Variants in AK5 observed in about 807,000 individuals in gnomAD.
AK5 encodes adenylate kinase 5.
Under a neutral mutation model 69.5 loss-of-function variants are expected in AK5, and 27 were observed. The observed-to-expected ratio is 0.39, with a 90% CI of 0.29 to 0.54. The LOEUF (loss-of-function observed/expected upper bound fraction) is 0.54. Ranked by LOEUF, AK5 falls within the 20% of genes least tolerant of loss-of-function variation. The probability of loss-of-function intolerance (pLI) is 0.71; values close to 1 mark genes in which losing one functional copy is unlikely to be tolerated. For synonymous variants in AK5, 260 were observed against 244.4 expected, an observed-to-expected ratio of 1.06 and a Z score of -0.60; for missense variants, 531 against 700.4, an observed-to-expected ratio of 0.76 and a Z score of 2.73.
intron 6 of AK5, among the ~76,000 whole-genome samples, chr1:77,391,455 A>G (rs201846533): frequency 6.2e-4 from 70 of 113,652 alleles, no homozygotes; most frequent in Middle Eastern, 4.1e-3. Flanking sequence ...ATGTGTGTGT[A>G]TATATATATA....
chr1:77,502,792 A>G (rs943335920), intron 10 of AK5, among the ~76,000 whole-genome samples: 1 of 152,166 alleles, frequency 6.6e-6, no homozygotes, highest in Non-Finnish European at 1.5e-5. Flanking sequence ...GAACATAGCA[A>G]GTAGGCAGAA....
intron 12 of AK5, among the ~76,000 whole-genome samples, chr1:77,529,042 G>T (rs1658432788): frequency 6.6e-6 from 1 of 151,870 alleles, no homozygotes; most frequent in Non-Finnish European, 1.5e-5. Context: ...TTAATAATGT[G>T]TATTTTTTCT....
Position 77,535,894 on chromosome 1 carries a change from C to A in AK5, c.1476C>A (p.Thr492=), listed in dbSNP as rs773843700. 8.1e-6 allele frequency: 13 copies of A among 1,613,910 alleles called. No homozygotes were observed. Among genetic ancestry groups the A allele is most frequent in the Non-Finnish European group, 8.5e-7 (1 of 1,180,006 alleles). ...TCTGTATGGACTGCTCGGCAGACACCATGACCAACCGCCTTCTCCAAAGGA... is the reference window on the plus strand; with the variant it reads ...TCTGTATGGACTGCTCGGCAGACACAATGACCAACCGCCTTCTCCAAAGGA... The part of the protein sequence containing the change: ...LVICMDCSAD[T]MTNRLLQRSR... Residue 492 remains threonine (T), a synonymous_variant, in exon 13 of 14, where the codon ACC becomes ACA. Transcript: ENST00000354567.
At chr1:77,440,885 G>A (rs894131002) in intron 8 of AK5, among the ~76,000 whole-genome samples, 6 of 152,060 alleles carry the variant, frequency 3.9e-5, no homozygotes, top group Non-Finnish European at 8.8e-5. Flanking sequence ...CCAAGAAGCT[G>A]GGATTACAGG....
intron 8 of AK5, among the ~76,000 whole-genome samples, chr1:77,435,242 C>T (rs1448667913): frequency 6.6e-6 from 1 of 152,168 alleles, no homozygotes; most frequent in African/African-American, 2.4e-5. Flanking sequence ...AATTGTACTT[C>T]TGAGATATGA....
At chr1:77,413,048 A>C (rs1006952072) in intron 7 of AK5, among the ~76,000 whole-genome samples, 7 of 151,952 alleles carry the variant, frequency 4.6e-5, no homozygotes, top group African/African-American at 1.7e-4. Context: ...TTTCTGAAAA[A>C]AAAACAAAAC....
intron 3 of AK5, among the ~76,000 whole-genome samples, chr1:77,297,337 C>G (rs1422732447): frequency 6.6e-6 from 1 of 152,056 alleles, no homozygotes; most frequent in Non-Finnish European, 1.5e-5. Context: ...AGAGGAAAAA[C>G]CTGTATCTCT....
intron 6 of AK5, among the ~76,000 whole-genome samples, chr1:77,361,987 AC>A (rs1646873677): frequency 2.0e-5 from 3 of 152,274 alleles, no homozygotes; most frequent in African/African-American, 7.2e-5. Context: ...ACTTACCATG[AC>A]TGTGCCCCAG....
At chr1:77,378,620 C>T (rs1258344400) in intron 6 of AK5, among the ~76,000 whole-genome samples, 2 of 152,194 alleles carry the variant, frequency 1.3e-5, no homozygotes, top group Admixed American at 6.5e-5. Context: ...CGCACCAGGC[C>T]AGTATAATAG....
chr1:77,283,784 A>C (rs1267924520), intron 1 of AK5, among the ~76,000 whole-genome samples: 1 of 152,164 alleles, frequency 6.6e-6, no homozygotes, highest in African/African-American at 2.4e-5. Flanking sequence ...TAAATATGGA[A>C]ATTAAGAGGC....
intron 8 of AK5, among the ~76,000 whole-genome samples, chr1:77,473,323 T>A (rs896438165): frequency 6.6e-6 from 1 of 151,902 alleles, no homozygotes; most frequent in Non-Finnish European, 1.5e-5. Context: ...TCTCAAGCTA[T>A]CCTCCCACCT....
chr1:77,508,682 C>T (rs745847999), intron 10 of AK5, among the ~76,000 whole-genome samples: 1 of 152,152 alleles, frequency 6.6e-6, no homozygotes, highest in Non-Finnish European at 1.5e-5. Flanking sequence ...GCCTGGCCAA[C>T]GTGGCAAAAC....
intron 8 of AK5, among the ~76,000 whole-genome samples, chr1:77,460,538 C>T (rs1369038158): frequency 3.3e-5 from 5 of 152,218 alleles, no homozygotes; most frequent in African/African-American, 4.8e-5. Flanking sequence ...ATTTCAAATT[C>T]GTTTAAAATG....
intron 6 of AK5, among the ~76,000 whole-genome samples, chr1:77,381,195 T>C (rs1647609175): frequency 6.6e-6 from 1 of 152,098 alleles, no homozygotes; most frequent in Non-Finnish European, 1.5e-5. Flanking sequence ...TGGGAGGTGA[T>C]CAGGTAATAC....
At chr1:77,327,476 A>C (rs1660865015) in intron 5 of AK5, among the ~76,000 whole-genome samples, 1 of 151,694 alleles carries the variant, frequency 6.6e-6, no homozygotes, top group African/African-American at 2.4e-5. Flanking sequence ...CTCTGCAGTG[A>C]TTTTTCCTGG....
intron 7 of AK5, among the ~76,000 whole-genome samples, chr1:77,412,116 A>G (rs1646102036): frequency 1.3e-5 from 2 of 152,198 alleles, no homozygotes; most frequent in Non-Finnish European, 2.9e-5. Flanking sequence ...TAACTGCTAG[A>G]TATCCTCAGT....
intron 8 of AK5, among the ~76,000 whole-genome samples, chr1:77,427,769 A>G (rs772425179): frequency 6.6e-6 from 1 of 152,246 alleles, no homozygotes; most frequent in Non-Finnish European, 1.5e-5. Context: ...AGAAACTTGA[A>G]GCTTTCCTGC....
intron 9 of AK5, 32 bp downstream of exon 9, chr1:77,483,391 G>T (rs762958961): frequency 1.3e-6 from 2 of 1,560,760 alleles, no homozygotes; most frequent in African/African-American, 2.7e-5. Context: ...GATCAAAGTT[G>T]TCATTTTAGT....
chr1:77,323,124 G>A (rs1660620102), intron 5 of AK5, among the ~76,000 whole-genome samples: 1 of 151,872 alleles, frequency 6.6e-6, no homozygotes, highest in Admixed American at 6.6e-5. Flanking sequence ...AAGTAGCTGC[G>A]ACTACAGGCA....
Sources: allele counts gnomAD v4.1 joint callset (sites outside exome capture counted in the v4.1 genomes callset), GRCh38; gene constraint gnomAD v4.1.1; transcripts MANE v1.5; gene names NCBI Gene and HGNC (gene_info 2026-07-23, HGNC 2026-07-21).